The following PALM2AKAP2 variants were observed in gnomAD, a reference collection of about 807,000 sequenced individuals.
PALM2AKAP2 encodes the protein PALM2 and AKAP2 fusion.
In PALM2AKAP2, 37 loss-of-function variants were observed where a neutral mutation model predicts 71.5. That is an observed-to-expected ratio of 0.52 (90% CI 0.40 to 0.68). PALM2AKAP2 has a LOEUF of 0.68. PALM2AKAP2 is among the 30% of genes least tolerant of loss of function. The pLI is 0.00. For missense variants in PALM2AKAP2, 1,224 were observed against 1,191.8 expected (o/e 1.03, Z -0.40); for synonymous variants, 468 against 478.8 (o/e 0.98, Z 0.29).
At chr9:109,979,393 G>C (rs141750965) in intron 6 of PALM2AKAP2, among the ~76,000 whole-genome samples, 1 of 152,206 alleles carries the variant, frequency 6.6e-6, no homozygotes, top group African/African-American at 2.4e-5. Flanking sequence ...GGGCAGCATA[G>C]CCTGAGGAAC....
chr9:110,063,115 T>G (rs1367630305), intron 1 of PALM2AKAP2, among the ~76,000 whole-genome samples: 1 of 152,234 alleles, frequency 6.6e-6, no homozygotes, highest in Non-Finnish European at 1.5e-5. Flanking sequence ...CTTTTGTTTA[T>G]GTGAAAACTG....
At chr9:110,018,783 G>T (rs1347802874) in intron 7 of PALM2AKAP2, among the ~76,000 whole-genome samples, 3 of 152,048 alleles carry the variant, frequency 2.0e-5, no homozygotes, top group South Asian at 2.1e-4. Flanking sequence ...TCTCCTTTAG[G>T]ATTCCCAATT....
chr9:109,994,091 C>T (rs1435099454), intron 6 of PALM2AKAP2, among the ~76,000 whole-genome samples: 1 of 152,198 alleles, frequency 6.6e-6, no homozygotes, highest in Non-Finnish European at 1.5e-5. Context: ...CCTGCCAGTG[C>T]CAGGTTCCTT....
chr9:109,956,692 T>C (rs1831752741), intron 6 of PALM2AKAP2, among the ~76,000 whole-genome samples: 1 of 152,206 alleles, frequency 6.6e-6, no homozygotes, highest in Admixed American at 6.5e-5. Context: ...ATTTTTGTCC[T>C]GTGTGTACCA....
intron 1 of PALM2AKAP2, among the ~76,000 whole-genome samples, chr9:109,722,680 G>A (rs1031957912): frequency 6.6e-6 from 1 of 152,132 alleles, no homozygotes; most frequent in Admixed American, 6.5e-5. Context: ...GCTGAGGTGG[G>A]GGGATCACTT....
intron 1 of PALM2AKAP2, among the ~76,000 whole-genome samples, chr9:109,664,791 CT>C (rs1446577712): frequency 1.3e-5 from 2 of 152,232 alleles, no homozygotes; most frequent in African/African-American, 4.8e-5. Flanking sequence ...TGTTTTACAA[CT>C]TGGTTCCATT....
intron 3 of PALM2AKAP2, among the ~76,000 whole-genome samples, chr9:109,894,633 G>A (rs1207376225): frequency 6.6e-6 from 1 of 152,174 alleles, no homozygotes; most frequent in Non-Finnish European, 1.5e-5. Context: ...CACTCACGTG[G>A]TGAGCTGCAT....
At chr9:110,090,436 A>G (rs1834680589) in intron 1 of PALM2AKAP2, 2 of 456,600 alleles carry the variant, frequency 4.4e-6, no homozygotes, top group East Asian at 1.4e-4. Flanking sequence ...AGTTACTTTT[A>G]CTGTGGACTT....
At chr9:109,968,923 C>T (rs1361430729) in intron 6 of PALM2AKAP2, among the ~76,000 whole-genome samples, 2 of 152,172 alleles carry the variant, frequency 1.3e-5, no homozygotes, top group Non-Finnish European at 2.9e-5. Flanking sequence ...CAGTTCCTCT[C>T]CGGGCTATAA....
chr9:109,854,600 A>G (rs1020623184), intron 1 of PALM2AKAP2, among the ~76,000 whole-genome samples: 8 of 152,168 alleles, frequency 5.3e-5, no homozygotes, highest in Non-Finnish European at 8.8e-5. Flanking sequence ...AAATCCTACC[A>G]TCTAGATACA....
At chr9:109,707,651 T>G (rs1828164621) in intron 1 of PALM2AKAP2, among the ~76,000 whole-genome samples, 1 of 152,230 alleles carries the variant, frequency 6.6e-6, no homozygotes, top group African/African-American at 2.4e-5. Flanking sequence ...AGCCTGTTTC[T>G]TTAACTTTCC....
At chr9:109,877,436 C>T (rs1406492110) in intron 2 of PALM2AKAP2, among the ~76,000 whole-genome samples, 1 of 151,974 alleles carries the variant, frequency 6.6e-6, no homozygotes, top group African/African-American at 2.4e-5. Flanking sequence ...CAGCAGGCTA[C>T]AGGGGGAACA....
In PALM2AKAP2 at chr9:109,891,061, G is replaced by A. The variant is rs1050092463; in HGVS notation, c.257+10380G>A. 2.6e-5 allele frequency among the ~76,000 whole-genome samples: 4 copies of A among 152,280 alleles called. No homozygotes were observed. The South Asian group carries it at 8.3e-4, about 32-fold the overall frequency. ...CAGCAAAGAATGTCCCCCTGGCCAG[G>A]GTGCCTGGAGGAAGGCTTTTAAGCA... On this transcript the variant is annotated intron_variant, in intron 3 of 9. Coordinates refer to the PALM2AKAP2 transcript ENST00000302798.
chr9:110,079,449 T>C (rs1834395107), intron 1 of PALM2AKAP2, among the ~76,000 whole-genome samples: 1 of 152,022 alleles, frequency 6.6e-6, no homozygotes, highest in South Asian at 2.1e-4. Flanking sequence ...TGAGCCGAGA[T>C]CGTGCCACTG....
intron 1 of PALM2AKAP2, among the ~76,000 whole-genome samples, chr9:110,134,036 C>T (rs1835792542): frequency 6.6e-6 from 1 of 152,182 alleles, no homozygotes; most frequent in Non-Finnish European, 1.5e-5. Flanking sequence ...CCTGTAATCC[C>T]AGCACTCTGG....
intron 1 of PALM2AKAP2, among the ~76,000 whole-genome samples, chr9:110,081,264 A>G (rs1298421272): frequency 2.6e-5 from 4 of 152,202 alleles, no homozygotes; most frequent in African/African-American, 9.7e-5. Flanking sequence ...TTCCTATCTG[A>G]AAAGGGATGT....
At chr9:110,083,618 G>A (rs1448781053) in intron 1 of PALM2AKAP2, among the ~76,000 whole-genome samples, 2 of 151,620 alleles carry the variant, frequency 1.3e-5, no homozygotes, top group Admixed American at 6.6e-5. Flanking sequence ...TTTCTATCTT[G>A]CCAAGTTTTG....
chr9:109,758,011 AACCCTAAT>A (rs1269746283), intron 1 of PALM2AKAP2, among the ~76,000 whole-genome samples: 1 of 152,098 alleles, frequency 6.6e-6, no homozygotes, highest in East Asian at 1.9e-4. Context: ...CCCATAAACA[AACCCTAAT>A]ACCAGTTGGT....
intron 1 of PALM2AKAP2, among the ~76,000 whole-genome samples, chr9:109,790,083 AG>A (rs1415120163): frequency 3.3e-5 from 5 of 152,212 alleles, no homozygotes; most frequent in Non-Finnish European, 5.9e-5. Flanking sequence ...ATAAGATCGA[AG>A]GGGAAAGAAA....
Sources: allele counts gnomAD v4.1 joint callset (sites outside exome capture counted in the v4.1 genomes callset), GRCh38; gene constraint gnomAD v4.1.1; transcripts MANE v1.5; gene names NCBI Gene and HGNC (gene_info 2026-07-23, HGNC 2026-07-21).